The following CCDC66 variants were observed in gnomAD, a reference collection of about 807,000 sequenced individuals.
CCDC66 encodes coiled-coil domain containing 66, also known as coiled-coil domain-containing protein 66.
A neutral mutation model predicts 128.3 loss-of-function variants in CCDC66; 133 were observed. The ratio of observed to expected loss-of-function variants is 1.04; its 90% CI spans 0.90 to 1.20. The LOEUF (loss-of-function observed/expected upper bound fraction) is 1.20, where lower values mean the gene tolerates loss of function less well. CCDC66 is among the 50% of genes most tolerant of loss of function. The pLI, the probability that CCDC66 is intolerant of heterozygous loss-of-function variation, is 0.00. For synonymous variants in CCDC66, 387 were observed against 357.0 expected (o/e 1.08, Z -0.95); for missense variants, 1,126 against 1,075.5 (o/e 1.05, Z -0.66).
At chr3:56,571,525 GTACT>G in intron 7 of CCDC66, 10 of 344,488 alleles carry the variant, frequency 2.9e-5, no homozygotes, top group South Asian at 7.0e-5. Flanking sequence ...AGGACTACAG[GTACT>G]CACCACCATG....
chr3:56,577,928 T>G (rs1423412964), intron 7 of CCDC66, among the ~76,000 whole-genome samples: 3 of 151,834 alleles, frequency 2.0e-5, no homozygotes, highest in Non-Finnish European at 4.4e-5. Flanking sequence ...ATAAGAAATT[T>G]AAAGTAGTTT....
At chr3:56,577,961 C>G (rs137879941) in intron 7 of CCDC66, among the ~76,000 whole-genome samples, 5,120 of 151,902 alleles carry the variant, frequency 0.034, 142 homozygotes, top group Middle Eastern at 0.078. Flanking sequence ...TGAAGAAAGT[C>G]AGTGGTAGCT....
intron 13 of CCDC66, 48 bp downstream of exon 13, chr3:56,616,101 T>C: frequency 6.7e-7 from 1 of 1,494,782 alleles, no homozygotes. Flanking sequence ...CTTAAAGTCA[T>C]AATTAAAGCA....
intron 3 of CCDC66, among the ~76,000 whole-genome samples, chr3:56,560,345 G>A (rs967123641): frequency 1.3e-5 from 2 of 152,136 alleles, no homozygotes; most frequent in African/African-American, 2.4e-5. Flanking sequence ...AGCTGGGACC[G>A]TGTGCATGAG....
chr3:56,615,012 A>T, intron 11 of CCDC66, 116 bp from the exon 12 acceptor site: 1 of 959,206 alleles, frequency 1.0e-6, no homozygotes, highest in Non-Finnish European at 1.5e-6. Flanking sequence ...TTGTACCCTT[A>T]GTGTCTAAAC....
At chr3:56,587,544 T>C (rs1056039355) in intron 7 of CCDC66, among the ~76,000 whole-genome samples, 3 of 149,364 alleles carry the variant, frequency 2.0e-5, no homozygotes, top group Non-Finnish European at 2.9e-5. Context: ...GACCAGATCT[T>C]ACCATGAAAA....
In CCDC66 at chr3:56,557,234, G is replaced by A; in HGVS notation, c.-9G>A. ...TGAGCGTTCTGTGGAGAGAGTGCGA[G>A]GTCAGGCCATGAACTTGGGGTAAGC... On this transcript the variant is annotated 5_prime_UTR_variant, in exon 1 of 18. Coordinates refer to ENST00000394672, the MANE Select transcript of CCDC66 (RefSeq NM_001141947.3). 1.4e-6 allele frequency: 2 copies of A among 1,479,084 alleles called. No homozygotes were observed. The highest frequency in any genetic ancestry group is 1.4e-5 in the African/African-American group (1 of 69,064). The allele number at this position is 1,479,084 out of a possible 1,614,324, so 91.6% of individuals were successfully genotyped here.
chr3:56,571,682 TAAA>T (rs1304986130), intron 7 of CCDC66, among the ~76,000 whole-genome samples: 1 of 152,116 alleles, frequency 6.6e-6, no homozygotes, highest in African/African-American at 2.4e-5. Context: ...CCAGCCTATT[TAAA>T]AAAACTTGTC....
At chr3:56,583,881 G>C (rs1207450589) in intron 7 of CCDC66, among the ~76,000 whole-genome samples, 1 of 149,210 alleles carries the variant, frequency 6.7e-6, no homozygotes, top group South Asian at 2.1e-4. Flanking sequence ...CGGCCGGGCA[G>C]AGGCGCCCCC....
At chr3:56,562,826 T>C (rs2065273568) in intron 3 of CCDC66, among the ~76,000 whole-genome samples, 1 of 151,072 alleles carries the variant, frequency 6.6e-6, no homozygotes, top group South Asian at 2.1e-4. Flanking sequence ...TTTTTTTTTT[T>C]AGTAGAGATG....
intron 10 of CCDC66, among the ~76,000 whole-genome samples, chr3:56,608,264 C>G (rs1482872443): frequency 6.6e-6 from 1 of 152,002 alleles, no homozygotes; most frequent in African/African-American, 2.4e-5. Context: ...TGGTCCTGGA[C>G]TTTTTTTGTT....
chr3:56,608,734 G>A (rs1013349184), intron 10 of CCDC66, among the ~76,000 whole-genome samples: 2 of 152,042 alleles, frequency 1.3e-5, no homozygotes, highest in African/African-American at 4.8e-5. Flanking sequence ...TTTGATGTAG[G>A]TGTTTTAGGG....
intron 7 of CCDC66, among the ~76,000 whole-genome samples, chr3:56,587,000 G>A (rs924689204): frequency 1.3e-5 from 2 of 151,844 alleles, no homozygotes; most frequent in Non-Finnish European, 2.9e-5. Context: ...AGGCTGCAGT[G>A]AGCTATGATT....
intron 10 of CCDC66, among the ~76,000 whole-genome samples, chr3:56,603,507 A>G (rs904410879): frequency 1.3e-5 from 2 of 151,982 alleles, no homozygotes; most frequent in Non-Finnish European, 2.9e-5. Flanking sequence ...ATTGGTTTCA[A>G]ATAACATCTT....
Position 56,610,271 on chromosome 3 carries a change from G to A in CCDC66, c.1405-3318G>A, listed in dbSNP as rs189877289. Among the ~76,000 whole-genome samples, 98 of 152,134 alleles carry A rather than the reference G, an allele frequency of 6.4e-4. 2 individuals carry two copies. Among genetic ancestry groups the A allele is most frequent in the African/African-American group, 2.3e-3 (95 of 41,516 alleles). ...TTTCTTCTACTTGTTCAATTCTATT[G>A]CTGAGACTTTCCAGAGCATTTCATA... On this transcript the variant is annotated intron_variant, in intron 10 of 17. Coordinates refer to ENST00000394672, the MANE Select transcript of CCDC66 (RefSeq NM_001141947.3).
At chr3:56,587,579 C>G (rs1460373549) in intron 7 of CCDC66, among the ~76,000 whole-genome samples, 1 of 152,116 alleles carries the variant, frequency 6.6e-6, no homozygotes, top group Non-Finnish European at 1.5e-5. Context: ...CCTTAAAGAA[C>G]TAAAAGTTAG....
intron 17 of CCDC66, chr3:56,620,220 T>G (rs7619518): frequency 0.048 from 8,205 of 171,240 alleles, 709 homozygotes; most frequent in African/African-American, 0.18. Flanking sequence ...AATACAGTTA[T>G]GCTTTAACAA....
intron 6 of CCDC66, 95 bp from the exon 7 acceptor site, chr3:56,571,086 C>T: frequency 1.2e-6 from 1 of 829,236 alleles, no homozygotes; most frequent in South Asian, 2.2e-5. Flanking sequence ...TTGATTAGAT[C>T]TGTGTTGGTA....
At chr3:56,567,147 T>C (rs112310084) in intron 6 of CCDC66, 94 bp downstream of exon 6, 385,677 of 864,572 alleles carry the variant, frequency 0.45, 97,356 homozygotes, top group Non-Finnish European at 0.54. Context: ...ATACCAGCAC[T>C]TTGGGAAGCC....
Sources: allele counts gnomAD v4.1 joint callset (sites outside exome capture counted in the v4.1 genomes callset), GRCh38; gene constraint gnomAD v4.1.1; transcripts MANE v1.5; gene names NCBI Gene and HGNC (gene_info 2026-07-23, HGNC 2026-07-21).